KIAA0319: variants seen among roughly 807,000 people sequenced by gnomAD.
KIAA0319 encodes dyslexia-associated protein KIAA0319.
KIAA0319 carries 83 observed loss-of-function variants against 108.4 expected under a neutral mutation model. The observed-to-expected ratio is 0.77, with a 90% CI of 0.64 to 0.92. The LOEUF (loss-of-function observed/expected upper bound fraction) is 0.92, where lower values mean the gene tolerates loss of function less well. Ranked by LOEUF, KIAA0319 falls within the 40% of genes least tolerant of loss-of-function variation. The probability of loss-of-function intolerance (pLI) is 0.00; values close to 1 mark genes in which losing one functional copy is unlikely to be tolerated. For missense variants in KIAA0319, 1,195 were observed against 1,322.4 expected (o/e 0.90, Z 1.49); for synonymous variants, 484 against 510.4 (o/e 0.95, Z 0.70).
At chr6:24,578,269 A>C in intron 8 of KIAA0319, 27 bp from the exon 9 acceptor site, 2 of 1,507,372 alleles carry the variant, frequency 1.3e-6, no homozygotes, top group Non-Finnish European at 1.8e-6. Context: ...TAAAGACAAG[A>C]ATGAAATACA....
At chr6:24,550,714 G>C (rs181028563) in intron 20 of KIAA0319, among the ~76,000 whole-genome samples, 1 of 152,136 alleles carries the variant, frequency 6.6e-6, no homozygotes, top group African/African-American at 2.4e-5. Flanking sequence ...AGGGAACAGC[G>C]TTCAGAGCTG....
Position 24,630,710 on chromosome 6 carries a change from T to TATATAC in KIAA0319, c.-106+15025_-106+15026insGTATAT, listed in dbSNP as rs373537245. ...ATATATATATATATATATACACATA[T>TATATAC]ACACACAAACTTTAGTACAGCTATC... On this transcript the variant is annotated intron_variant, in intron 1 of 20. Coordinates refer to ENST00000378214, the MANE Select transcript of KIAA0319 (RefSeq NM_014809.4). Among the ~76,000 whole-genome samples, 769 of 138,650 alleles carry TATATAC rather than the reference T, an allele frequency of 5.5e-3. 5 individuals carry two copies. Among genetic ancestry groups the TATATAC allele is most frequent in the Admixed American group, 7.9e-3 (112 of 14,090 alleles). 91.0% of individuals were successfully genotyped at this position (138,650 alleles called of 152,430 possible).
chr6:24,630,081 A>G (rs1775317310), intron 1 of KIAA0319, among the ~76,000 whole-genome samples: 1 of 152,194 alleles, frequency 6.6e-6, no homozygotes, highest in Non-Finnish European at 1.5e-5. Context: ...CGGGAGGCTG[A>G]AGCAGGAGAA....
At chr6:24,594,134 G>A (rs1032646754) in intron 3 of KIAA0319, among the ~76,000 whole-genome samples, 1 of 133,104 alleles carries the variant, frequency 7.5e-6, no homozygotes. Flanking sequence ...GGGCAGCGGA[G>A]GTTGCAGTAA....
At chr6:24,614,607 A>G (rs142869879) in intron 1 of KIAA0319, among the ~76,000 whole-genome samples, 2 of 152,302 alleles carry the variant, frequency 1.3e-5, no homozygotes, top group African/African-American at 4.8e-5. Flanking sequence ...ATGAAACTGA[A>G]GCTCAGAAAG....
chr6:24,620,077 T>C (rs745737629), intron 1 of KIAA0319, among the ~76,000 whole-genome samples: 14 of 152,222 alleles, frequency 9.2e-5, no homozygotes, highest in African/African-American at 3.4e-4. Context: ...ATTTTCAATA[T>C]ATTTTGCCAA....
chr6:24,543,785 G>T (rs540247720), downstream of KIAA0319, among the ~76,000 whole-genome samples: 1 of 152,326 alleles, frequency 6.6e-6, no homozygotes, highest in South Asian at 2.1e-4. Context: ...AGGATGCAGT[G>T]TAAGTATACT....
chr6:24,581,006 A>G lies in KIAA0319; in HGVS notation c.1199T>C (p.Val400Ala). The change falls in exon 7 of 21, where the codon GTC becomes GCC. Residue 400 changes from valine to alanine, a missense_variant. Val to Ala is a moderately conservative substitution (Grantham distance 64). Transcript: ENST00000378214. ...KQTLNLSQLSVGLYVFKVTVS... is the reference protein window; with the variant it reads ...KQTLNLSQLSAGLYVFKVTVS... ...AGTGACTTTGAAGACATAAAGTCCG[A>G]CGGACAACTGTAACATAAAGAAAAG... 2.5e-6 allele frequency: 4 copies of G among 1,606,582 alleles called. 1 individual carries two copies. In the African/African-American group the frequency reaches 5.3e-5, roughly 21 times the overall value.
At chr6:24,543,017 C>T (rs1009194362), downstream of KIAA0319, among the ~76,000 whole-genome samples, 1 of 152,212 alleles carries the variant, frequency 6.6e-6, no homozygotes, top group Non-Finnish European at 1.5e-5. Flanking sequence ...AAATCCAGAA[C>T]GCTTGCTTTG....
intron 8 of KIAA0319, 88 bp from the exon 9 acceptor site, chr6:24,578,330 A>T: frequency 1.0e-6 from 1 of 972,836 alleles, no homozygotes. Context: ...ATTTAAATTC[A>T]TTTTTATAAG....
At chr6:24,624,659 C>T (rs1382601991) in intron 1 of KIAA0319, among the ~76,000 whole-genome samples, 2 of 152,114 alleles carry the variant, frequency 1.3e-5, no homozygotes, top group Non-Finnish European at 2.9e-5. Flanking sequence ...TCATATAGCC[C>T]CTACCCTCAT....
chr6:24,559,689 G>A (rs1031925897), intron 16 of KIAA0319, among the ~76,000 whole-genome samples: 2 of 135,918 alleles, frequency 1.5e-5, no homozygotes, highest in Non-Finnish European at 3.1e-5. Flanking sequence ...TTGCAGACAT[G>A]TCTTTCTTTT....
chr6:24,548,797 A>C (rs564894368), intron 20 of KIAA0319, among the ~76,000 whole-genome samples: 1 of 152,356 alleles, frequency 6.6e-6, no homozygotes, highest in South Asian at 2.1e-4. Context: ...GTAAACCATG[A>C]AGTTTGGATT....
At chr6:24,614,625 T>C (rs1772881733) in intron 1 of KIAA0319, among the ~76,000 whole-genome samples, 1 of 152,148 alleles carries the variant, frequency 6.6e-6, no homozygotes. Flanking sequence ...AAGGCTAAGG[T>C]ATCCAAGAAT....
intron 13 of KIAA0319, among the ~76,000 whole-genome samples, chr6:24,567,880 C>CT (rs1181595278): frequency 1.3e-5 from 2 of 152,150 alleles, no homozygotes; most frequent in Admixed American, 1.3e-4. Flanking sequence ...AGAAGGGGCT[C>CT]TGGGACCCAG....
At chr6:24,588,837 C>A in intron 3 of KIAA0319, 52 bp from the exon 4 acceptor site, 1 of 1,441,738 alleles carries the variant, frequency 6.9e-7, no homozygotes, top group Non-Finnish European at 9.6e-7. Context: ...AACAGTCCAA[C>A]TCTTCAAGCA....
Position 24,568,876 on chromosome 6 carries a change from G to C in KIAA0319, c.2045C>G (p.Thr682Ser). ...ENIDKAIATV[T>S]GLQVGTYHFR... ...GTGGTAGGTCCCCACCTGGAGACCA[G>C]TCACAGTGGCTATTGCTTTGTCAAT... Residue 682 changes from threonine (T) to serine (S), a missense_variant, in exon 13 of 21, where the codon ACT (threonine) becomes AGT (serine). Transcript: ENST00000378214. The C allele has an allele frequency of 6.2e-7, 1 of 1,614,102 alleles. No homozygotes were observed. The highest frequency in any genetic ancestry group is 8.5e-7 in the Non-Finnish European group (1 of 1,179,910).
intron 1 of KIAA0319, among the ~76,000 whole-genome samples, chr6:24,640,276 C>A (rs1776751573): frequency 6.6e-6 from 1 of 151,494 alleles, no homozygotes. Context: ...AGCAAGAATG[C>A]CATCAGGGAA....
intron 1 of KIAA0319, among the ~76,000 whole-genome samples, chr6:24,644,931 AAAAT>A (rs1777423101): frequency 6.6e-6 from 1 of 152,224 alleles, no homozygotes; most frequent in African/African-American, 2.4e-5. Context: ...ATCTGAATTA[AAAAT>A]AATACTAAAA....
Sources: gnomAD v4.1 joint callset for allele counts (sites outside exome capture counted in the v4.1 genomes callset) on GRCh38, gnomAD v4.1.1 for gene constraint, MANE v1.5 for transcripts, NCBI Gene and HGNC (gene_info 2026-07-23, HGNC 2026-07-21) for gene names.